FSTL4: variants seen among roughly 807,000 people sequenced by gnomAD.
FSTL4 encodes the protein follistatin-related protein 4.
A neutral mutation model predicts 78.2 loss-of-function variants in FSTL4; 28 were observed. The observed-to-expected ratio is 0.36, with a 90% confidence interval of 0.27 to 0.49. The LOEUF (loss-of-function observed/expected upper bound fraction) is 0.49. Among genes scored for constraint, FSTL4 ranks in the 20% least tolerant of loss-of-function variants. FSTL4 has a pLI of 0.98. For synonymous variants in FSTL4, 422 were observed against 440.5 expected (o/e 0.96, Z 0.53); for missense variants, 922 against 1,084.9 (o/e 0.85, Z 2.11).
At chr5:133,535,713 C>G (rs1298643800) in intron 3 of FSTL4, among the ~76,000 whole-genome samples, 2 of 152,082 alleles carry the variant, frequency 1.3e-5, no homozygotes, top group Non-Finnish European at 2.9e-5. Context: ...TCTCCCCGAC[C>G]GAGCTGTTCT....
chr5:133,560,654 G>A (rs997131688), intron 3 of FSTL4, among the ~76,000 whole-genome samples: 4 of 150,376 alleles, frequency 2.7e-5, no homozygotes, highest in Non-Finnish European at 4.4e-5. Context: ...GTGAGCCACC[G>A]TGCCCGGTCG....
chr5:133,215,336 C>T (rs60366489), intron 13 of FSTL4, among the ~76,000 whole-genome samples: 9,335 of 152,194 alleles, frequency 0.061, 930 homozygotes, highest in African/African-American at 0.21. Context: ...TAATTTCATC[C>T]AGTTTCCTGG....
chr5:133,795,277 T>C, the FSTL4 span, among the ~76,000 whole-genome samples: 1 of 152,014 alleles, frequency 6.6e-6, no homozygotes, highest in Non-Finnish European at 1.5e-5. Flanking sequence ...AAGGGGATAG[T>C]GGGGTGGTGC....
At chr5:133,757,209 C>T in the FSTL4 span, among the ~76,000 whole-genome samples, 1 of 152,106 alleles carries the variant, frequency 6.6e-6, no homozygotes, top group African/African-American at 2.4e-5. Flanking sequence ...CTAGTAACCA[C>T]ATTAAAGAAT....
At chr5:133,703,878 A>G in the FSTL4 span, among the ~76,000 whole-genome samples, 1 of 152,214 alleles carries the variant, frequency 6.6e-6, no homozygotes, top group African/African-American at 2.4e-5. Context: ...CTGCCACTCC[A>G]GGACATGCAG....
chr5:133,472,099 T>A (rs1386671606), intron 3 of FSTL4, among the ~76,000 whole-genome samples: 1 of 152,166 alleles, frequency 6.6e-6, no homozygotes, highest in Non-Finnish European at 1.5e-5. Context: ...CTGCACTCCA[T>A]CAGGGGAATG....
At chr5:133,776,362 C>T in the FSTL4 span, among the ~76,000 whole-genome samples, 1 of 152,198 alleles carries the variant, frequency 6.6e-6, no homozygotes, top group African/African-American at 2.4e-5. Flanking sequence ...TCTCTTATGG[C>T]TACAGCTCTC....
the FSTL4 span, among the ~76,000 whole-genome samples, chr5:133,770,701 G>A: frequency 3.7e-4 from 56 of 152,218 alleles, no homozygotes; most frequent in African/African-American, 1.3e-3. Flanking sequence ...TTCTTCTGCT[G>A]TGCAGAAGTT....
chr5:133,567,260 T>C, intron 2 of FSTL4, 41 bp from the exon 3 acceptor site: 2 of 1,436,060 alleles, frequency 1.4e-6, no homozygotes, highest in Non-Finnish European at 2.0e-6. Flanking sequence ...GAAGAATAAT[T>C]CATATGTACA....
chr5:133,665,016 C>T, the FSTL4 span, among the ~76,000 whole-genome samples: 13 of 152,300 alleles, frequency 8.5e-5, no homozygotes, highest in Middle Eastern at 3.4e-3. Flanking sequence ...GACTCCAACA[C>T]GCATTTGGTG....
chr5:133,751,588 A>G, the FSTL4 span, among the ~76,000 whole-genome samples: 1 of 152,204 alleles, frequency 6.6e-6, no homozygotes, highest in African/African-American at 2.4e-5. Flanking sequence ...GCCAGTCATT[A>G]GAGAGACAGA....
intron 4 of FSTL4, among the ~76,000 whole-genome samples, chr5:133,377,805 A>G (rs755552857): frequency 6.6e-6 from 1 of 152,186 alleles, no homozygotes; most frequent in Non-Finnish European, 1.5e-5. Context: ...AAATTCAACA[A>G]TCTTCAAGGA....
At chr5:133,798,849 A>G in the FSTL4 span, among the ~76,000 whole-genome samples, 2 of 151,788 alleles carry the variant, frequency 1.3e-5, no homozygotes, top group African/African-American at 2.4e-5. Context: ...CACAGACCTT[A>G]GTCATTGTAT....
At chr5:133,791,850 C>T in the FSTL4 span, among the ~76,000 whole-genome samples, 3 of 152,244 alleles carry the variant, frequency 2.0e-5, no homozygotes, top group African/African-American at 7.2e-5. Context: ...TAGCCATCTT[C>T]CCATTCTGCT....
chr5:133,588,211 G>C (rs1273522588), intron 2 of FSTL4, among the ~76,000 whole-genome samples: 1 of 117,764 alleles, frequency 8.5e-6, no homozygotes, highest in Non-Finnish European at 1.9e-5. Context: ...TTACCTTTCA[G>C]GACATAGGCG....
intron 4 of FSTL4, among the ~76,000 whole-genome samples, chr5:133,374,896 G>A (rs1050829870): frequency 4.6e-5 from 7 of 152,056 alleles, no homozygotes; most frequent in East Asian, 1.9e-4. Context: ...ATGATAATCC[G>A]TTATAGCACC....
At chr5:133,710,984 C>T in the FSTL4 span, among the ~76,000 whole-genome samples, 4 of 152,212 alleles carry the variant, frequency 2.6e-5, no homozygotes, top group Non-Finnish European at 5.9e-5. Flanking sequence ...GGGGAAACCT[C>T]CGTCTCTAGT....
the FSTL4 span, among the ~76,000 whole-genome samples, chr5:133,667,886 C>T: frequency 1.3e-5 from 2 of 152,136 alleles, no homozygotes; most frequent in African/African-American, 4.8e-5. Flanking sequence ...CAGAATGGTG[C>T]CTGGCACACA....
chr5:133,472,968 C>T (rs1757854010), intron 3 of FSTL4, among the ~76,000 whole-genome samples: 1 of 152,240 alleles, frequency 6.6e-6, no homozygotes, highest in Admixed American at 6.5e-5. Flanking sequence ...GACTCACACT[C>T]ACAAGCCATG....
Sources: allele counts gnomAD v4.1 joint callset (sites outside exome capture counted in the v4.1 genomes callset), GRCh38; gene constraint gnomAD v4.1.1; transcripts MANE v1.5; gene names NCBI Gene and HGNC (gene_info 2026-07-23, HGNC 2026-07-21).